Variants in SMAD2 observed in about 807,000 individuals in gnomAD.
SMAD2 encodes the protein SMAD family member 2.
A neutral mutation model predicts 64.4 loss-of-function variants in SMAD2; 8 were observed. That is an observed-to-expected ratio of 0.12 (90% CI 0.07 to 0.22). The LOEUF (loss-of-function observed/expected upper bound fraction) is 0.22, where lower values mean the gene tolerates loss of function less well. Ranked by LOEUF, SMAD2 falls within the 10% of genes least tolerant of loss-of-function variation. SMAD2 has a pLI of 1.00. For missense variants in SMAD2, 289 were observed against 561.2 expected (o/e 0.51, Z 4.90); for synonymous variants, 203 against 195.8 (o/e 1.04, Z -0.31).
At position 47,837,621 on chromosome 18, in the gene SMAD2, C is replaced by T; in HGVS notation, c.*4206G>A. The T allele has an allele frequency of 4.4e-6, 1 of 228,024 alleles. No homozygotes were observed. The highest frequency in any genetic ancestry group is 8.6e-6 in the Non-Finnish European group (1 of 115,982). 14.1% of individuals were successfully genotyped at this position (228,024 alleles called of 1,614,324 possible). A position where few individuals can be genotyped will look rare whatever the true frequency, so the allele number is the denominator to read the frequency against. ...CAAGAAAGAGGATAACCAGCAAGTA[C>T]CACCTGGATGTGTGTTGTCAGGTAG... On this transcript the variant is annotated 3_prime_UTR_variant, in exon 11 of 11. Transcript: ENST00000262160.
chr18:47,871,022 T>C (rs1303525459), intron 2 of SMAD2, among the ~76,000 whole-genome samples: 3 of 152,208 alleles, frequency 2.0e-5, no homozygotes, highest in African/African-American at 7.2e-5. Flanking sequence ...TCAGGTTATC[T>C]GGTCATGATA....
rs1253463395 is a variant in SMAD2, at chr18:47,809,116, C to G, written c.*32711G>C. 2.0e-5 allele frequency: 3 copies of G among 152,264 alleles called. No homozygotes were observed. In the East Asian group the frequency reaches 5.8e-4, roughly 29 times the overall value. The allele number at this position is 152,264 out of a possible 1,614,324, so 9.4% of individuals were successfully genotyped here. ...AATTCTCAGCAGCAGTTCTCAACAACAGATCACAGAAACAAGGCTGTCCTC... is the reference window on the plus strand; with the variant it reads ...AATTCTCAGCAGCAGTTCTCAACAAGAGATCACAGAAACAAGGCTGTCCTC... On this transcript the variant is annotated 3_prime_UTR_variant, in exon 11 of 11. Transcript: ENST00000262160.
intron 1 of SMAD2, among the ~76,000 whole-genome samples, chr18:47,918,015 T>C (rs932469653): frequency 1.3e-5 from 2 of 152,170 alleles, no homozygotes; most frequent in Non-Finnish European, 2.9e-5. Flanking sequence ...AACCATTGAT[T>C]AACACAGAAA....
chr18:47,912,625 T>C (rs905766202), intron 1 of SMAD2: 1 of 152,250 alleles, frequency 6.6e-6, no homozygotes, highest in African/African-American at 2.4e-5. Flanking sequence ...AGCCAATCTC[T>C]AGGCTTGGTT....
chr18:47,863,149 C>A (rs1479799879), intron 6 of SMAD2, among the ~76,000 whole-genome samples: 1 of 152,100 alleles, frequency 6.6e-6, no homozygotes, highest in Admixed American at 6.6e-5. Flanking sequence ...AAGGTATGAA[C>A]CAGAGTTAGA....
chr18:47,886,574 T>TATCCATCTATCC (rs754971870), intron 2 of SMAD2, among the ~76,000 whole-genome samples: 3 of 71,918 alleles, frequency 4.2e-5, no homozygotes, highest in African/African-American at 1.5e-4. Context: ...TCTATCCATC[T>TATCCATCTATCC]ATCTATCTAT....
chr18:47,854,367 T>TTA (rs1212708292), intron 6 of SMAD2, among the ~76,000 whole-genome samples: 1 of 152,200 alleles, frequency 6.6e-6, no homozygotes, highest in South Asian at 2.1e-4. Context: ...TGTGTTAAAC[T>TTA]TTTATAAGTG....
Position 47,818,970 on chromosome 18 carries a change from T to C in SMAD2, c.*22857A>G, listed in dbSNP as rs1219760351. 1 of 152,236 alleles carries C rather than the reference T, an allele frequency of 6.6e-6. No individual in the cohort carries two copies. Among genetic ancestry groups the C allele is most frequent in the African/African-American group, 2.4e-5 (1 of 41,464 alleles). The allele number at this position is 152,236 out of a possible 1,614,324, so 9.4% of individuals were successfully genotyped here. A position where few individuals can be genotyped will look rare whatever the true frequency, so the allele number is the denominator to read the frequency against. Reference sequence around the variant, plus strand: ...AATTCTAAAATGAAAGCTATGTTTGTGTATGTGTATGTTTAGGTGTGTTTA... The same window carrying C: ...AATTCTAAAATGAAAGCTATGTTTGCGTATGTGTATGTTTAGGTGTGTTTA... On this transcript the variant is annotated 3_prime_UTR_variant, in exon 11 of 11. Coordinates refer to ENST00000262160, the MANE Select transcript of SMAD2 (RefSeq NM_005901.6).
At chr18:47,864,757 T>C (rs2031435155) in intron 6 of SMAD2, among the ~76,000 whole-genome samples, 1 of 152,170 alleles carries the variant, frequency 6.6e-6, no homozygotes, top group African/African-American at 2.4e-5. Flanking sequence ...GTCATAGGGT[T>C]ACTAAAATTT....
intron 1 of SMAD2, among the ~76,000 whole-genome samples, chr18:47,921,896 T>C (rs2034576041): frequency 1.3e-5 from 2 of 152,238 alleles, no homozygotes; most frequent in African/African-American, 4.8e-5. Flanking sequence ...AGAATGGGCC[T>C]AACTTGTGTC....
chr18:47,930,096 T>G (rs985695281), intron 1 of SMAD2, among the ~76,000 whole-genome samples: 3 of 151,946 alleles, frequency 2.0e-5, no homozygotes, highest in African/African-American at 7.3e-5. Context: ...AACCACAAAC[T>G]ATGGAGTGTG....
At chr18:47,918,769 T>C (rs547530636) in intron 1 of SMAD2, among the ~76,000 whole-genome samples, 4 of 151,510 alleles carry the variant, frequency 2.6e-5, no homozygotes, top group South Asian at 2.1e-4. Flanking sequence ...AAAAAATCAA[T>C]AGAAGTGCTA....
rs972207204 is a variant in SMAD2 at position 47,896,936 on chromosome 18, C to T, written c.-53-127G>A. The T allele has an allele frequency of 2.4e-5, 19 of 798,208 alleles. No individual in the cohort carries two copies. The Admixed American group carries it at 4.0e-4, about 17-fold the overall frequency. 49.4% of individuals were successfully genotyped at this position (798,208 alleles called of 1,614,324 possible). A position where few individuals can be genotyped will look rare whatever the true frequency, so the allele number is the denominator to read the frequency against. On this transcript the variant is annotated intron_variant, in intron 1 of 10. Coordinates refer to ENST00000262160, the MANE Select transcript of SMAD2 (RefSeq NM_005901.6). The stretch of plus-strand genomic sequence containing the variant: ...GAATTATGACTTTCCCAATAGACTT[C>T]TCCACCCATGAAAACGTTATCTTTA...
intron 2 of SMAD2, among the ~76,000 whole-genome samples, chr18:47,883,562 T>A (rs537997379): frequency 6.6e-6 from 1 of 152,234 alleles, no homozygotes; most frequent in Non-Finnish European, 1.5e-5. Context: ...TTTGTTCTAA[T>A]TGAACTCTCC....
chr18:47,917,540 TC>T (rs2034385072), intron 1 of SMAD2, among the ~76,000 whole-genome samples: 1 of 152,198 alleles, frequency 6.6e-6, no homozygotes, highest in Non-Finnish European at 1.5e-5. Flanking sequence ...TTTTCTTTTT[TC>T]TTCTTCCCTG....
At position 47,837,357 on chromosome 18, in the gene SMAD2, T is replaced by A. The variant is rs188619115; in HGVS notation, c.*4470A>T. On this transcript the variant is annotated 3_prime_UTR_variant, in exon 11 of 11. Coordinates refer to ENST00000262160, the MANE Select transcript of SMAD2 (RefSeq NM_005901.6). ...GTGGACAGATCACGAGGTCAGGAGA[T>A]CGAGACCATCCTGGCCAACACGGTG... 1 of 189,832 alleles carries A rather than the reference T, an allele frequency of 5.3e-6. No homozygotes were observed. The highest frequency in any genetic ancestry group is 1.1e-5 in the Non-Finnish European group (1 of 90,700). 11.8% of individuals were successfully genotyped at this position (189,832 alleles called of 1,614,324 possible). A position where few individuals can be genotyped will look rare whatever the true frequency, so the allele number is the denominator to read the frequency against.
rs1337296055 is a variant in SMAD2 at position 47,837,953 on chromosome 18, A to T, written c.*3874T>A. 4.3e-6 allele frequency: 1 copy of T among 232,610 alleles called. No individual in the cohort carries two copies. Among genetic ancestry groups the T allele is most frequent in the Non-Finnish European group, 8.5e-6 (1 of 117,448 alleles). The allele number at this position is 232,610 out of a possible 1,614,324, so 14.4% of individuals were successfully genotyped here. On this transcript the variant is annotated 3_prime_UTR_variant, in exon 11 of 11. Transcript: ENST00000262160. ...CAACATAAACCTACGCCACCCTCAGACGAAGAGGGTATCTAACACTGAATA... is the reference window on the plus strand; with the variant it reads ...CAACATAAACCTACGCCACCCTCAGTCGAAGAGGGTATCTAACACTGAATA...
rs564680147 is a variant in SMAD2 at position 47,828,361 on chromosome 18, C to T, written c.*13466G>A. 4.4e-5 allele frequency: 7 copies of T among 157,940 alleles called. No individual in the cohort carries two copies. The East Asian group carries it at 9.5e-4, about 21-fold the overall frequency. 9.8% of individuals were successfully genotyped at this position (157,940 alleles called of 1,614,324 possible). ...CCACCCCGTCCGGGAGGTGGGGGGG[C>T]GCCTCTGCCCAGCCGCCCCGTCTGG... is the stretch of plus-strand genomic sequence containing the variant. On this transcript the variant is annotated 3_prime_UTR_variant, in exon 11 of 11. Coordinates refer to ENST00000262160, the MANE Select transcript of SMAD2 (RefSeq NM_005901.6).
chr18:47,852,978 C>A (rs62086544), intron 6 of SMAD2, among the ~76,000 whole-genome samples: 87,061 of 151,922 alleles, frequency 0.57, 25,318 homozygotes, highest in East Asian at 0.82. Flanking sequence ...CGTTTAGGCA[C>A]AGTTACCTAA....
Sources: gnomAD v4.1 joint callset for allele counts (sites outside exome capture counted in the v4.1 genomes callset) on GRCh38, gnomAD v4.1.1 for gene constraint, MANE v1.5 for transcripts, NCBI Gene and HGNC (gene_info 2026-07-23, HGNC 2026-07-21) for gene names.